Variants in SMYD3 observed in about 807,000 individuals in gnomAD.
SMYD3 encodes the protein histone-lysine N-methyltransferase SMYD3.
A neutral mutation model predicts 57.7 loss-of-function variants in SMYD3; 36 were observed. The observed-to-expected ratio is 0.62, with a 90% confidence interval of 0.48 to 0.82. The LOEUF is 0.82. SMYD3 is among the 40% of genes least tolerant of loss of function. SMYD3 has a pLI of 0.00. For missense variants in SMYD3, 515 were observed against 538.8 expected (o/e 0.96, Z 0.44); for synonymous variants, 211 against 195.0 (o/e 1.08, Z -0.68).
intron 1 of SMYD3, among the ~76,000 whole-genome samples, chr1:246,483,116 C>T (rs750104356): frequency 6.6e-6 from 1 of 152,106 alleles, no homozygotes; most frequent in Non-Finnish European, 1.5e-5. Flanking sequence ...TTCTACTGTA[C>T]CCAGACGATC....
chr1:245,955,295 CCG>C (rs1400634493), intron 5 of SMYD3, among the ~76,000 whole-genome samples: 1 of 152,162 alleles, frequency 6.6e-6, no homozygotes, highest in African/African-American at 2.4e-5. Context: ...CGGGGTTTCA[CCG>C]CATTAGCCAG....
chr1:246,074,948 A>T (rs1201253204), intron 5 of SMYD3, among the ~76,000 whole-genome samples: 3 of 148,326 alleles, frequency 2.0e-5, no homozygotes, highest in Non-Finnish European at 4.5e-5. Context: ...ACACACACAC[A>T]CACTTCAGAG....
chr1:245,825,878 C>T (rs1482564588), intron 10 of SMYD3, among the ~76,000 whole-genome samples: 3 of 149,798 alleles, frequency 2.0e-5, no homozygotes, highest in Non-Finnish European at 3.0e-5. Context: ...TGAGTAATGA[C>T]GTATCTGGGT....
intron 10 of SMYD3, among the ~76,000 whole-genome samples, chr1:245,800,093 G>A (rs1373971535): frequency 6.6e-6 from 1 of 152,084 alleles, no homozygotes; most frequent in Admixed American, 6.5e-5. Context: ...GTCCTGTCCC[G>A]CTTCCTTCAT....
chr1:245,849,123 A>G (rs1572505516), intron 10 of SMYD3, among the ~76,000 whole-genome samples: 1 of 152,198 alleles, frequency 6.6e-6, no homozygotes, highest in South Asian at 2.1e-4. Context: ...CAGGTTGGAC[A>G]AAAACTTTCA....
chr1:246,089,994 C>A (rs1167990163), intron 5 of SMYD3, among the ~76,000 whole-genome samples: 2 of 151,600 alleles, frequency 1.3e-5, no homozygotes, highest in Non-Finnish European at 2.9e-5. Flanking sequence ...CTAGAAGAAT[C>A]CAGTCAGTTT....
intron 5 of SMYD3, 51 bp from the exon 6 acceptor site, chr1:245,929,988 T>G (rs778134199): frequency 1.3e-6 from 2 of 1,513,430 alleles, no homozygotes; most frequent in South Asian, 2.2e-5. Flanking sequence ...TTAAGAAACT[T>G]CATAGCCAAG....
At chr1:246,433,389 G>A (rs909656986) in intron 1 of SMYD3, among the ~76,000 whole-genome samples, 4 of 152,144 alleles carry the variant, frequency 2.6e-5, no homozygotes, top group African/African-American at 4.8e-5. Context: ...CCACACTCGC[G>A]GTGGCTCACG....
chr1:246,201,231 A>G (rs12078258), intron 5 of SMYD3, among the ~76,000 whole-genome samples: 19,409 of 152,178 alleles, frequency 0.13, 3,219 homozygotes, highest in African/African-American at 0.38. Flanking sequence ...ATATGGTAGC[A>G]GTAATAAGAG....
At chr1:246,101,071 GTTTTTTTTTTTTTT>G (rs754724096) in intron 5 of SMYD3, among the ~76,000 whole-genome samples, 19 of 54,124 alleles carry the variant, frequency 3.5e-4, no homozygotes, top group Admixed American at 7.4e-4. Context: ...GGGGTTTTTT[GTTTTTTTTTTTTTT>G]TTTTTTTTTT....
At chr1:246,211,129 C>A (rs2063080107) in intron 5 of SMYD3, among the ~76,000 whole-genome samples, 4 of 152,084 alleles carry the variant, frequency 2.6e-5, no homozygotes, top group Admixed American at 6.5e-5. Flanking sequence ...AAAAAAAAAT[C>A]ATGAACCAAA....
intron 5 of SMYD3, among the ~76,000 whole-genome samples, chr1:246,041,831 G>C (rs1387967262): frequency 6.6e-6 from 1 of 151,754 alleles, no homozygotes. Flanking sequence ...AAAAAAAAAG[G>C]GTGACTAAAT....
intron 5 of SMYD3, among the ~76,000 whole-genome samples, chr1:246,148,272 C>T (rs1244628871): frequency 6.6e-6 from 1 of 152,166 alleles, no homozygotes; most frequent in South Asian, 2.1e-4. Flanking sequence ...GAACCAGCTA[C>T]AGAGAGGAGC....
At chr1:245,792,693 G>A (rs2047327025) in intron 10 of SMYD3, among the ~76,000 whole-genome samples, 1 of 152,174 alleles carries the variant, frequency 6.6e-6, no homozygotes, top group African/African-American at 2.4e-5. Context: ...AACAGATAAA[G>A]TTGTCTATCG....
chr1:245,817,209 C>G (rs997101426), intron 10 of SMYD3, among the ~76,000 whole-genome samples: 6 of 146,762 alleles, frequency 4.1e-5, no homozygotes, highest in Non-Finnish European at 6.0e-5. Context: ...TGAGAACGGG[C>G]AGACTGCCTC....
intron 1 of SMYD3, among the ~76,000 whole-genome samples, chr1:246,434,490 T>C (rs1162999329): frequency 6.6e-6 from 1 of 152,096 alleles, no homozygotes; most frequent in East Asian, 1.9e-4. Flanking sequence ...TGGGCAAATA[T>C]ATGAATAGAC....
At chr1:246,324,364 G>A (rs1438890798) in intron 5 of SMYD3, among the ~76,000 whole-genome samples, 2 of 143,800 alleles carry the variant, frequency 1.4e-5, no homozygotes, top group Admixed American at 1.4e-4. Flanking sequence ...GCAGTGAGCC[G>A]ATGTTGCGCC....
intron 5 of SMYD3, among the ~76,000 whole-genome samples, chr1:246,120,662 T>C (rs867368091): frequency 1.3e-5 from 2 of 152,224 alleles, no homozygotes; most frequent in South Asian, 2.1e-4. Flanking sequence ...CATAATGACA[T>C]TGGCTAGATG....
At chr1:245,988,153 A>T (rs998897384) in intron 5 of SMYD3, among the ~76,000 whole-genome samples, 4 of 151,616 alleles carry the variant, frequency 2.6e-5, no homozygotes, top group Non-Finnish European at 5.9e-5. Flanking sequence ...GCCACCCACA[A>T]ACCAGTCCTA....
Sources: gnomAD v4.1 joint callset for allele counts (sites outside exome capture counted in the v4.1 genomes callset) on GRCh38, gnomAD v4.1.1 for gene constraint, MANE v1.5 for transcripts, NCBI Gene and HGNC (gene_info 2026-07-23, HGNC 2026-07-21) for gene names.